Variants in CEP112 observed in about 807,000 individuals in gnomAD.
The protein encoded by CEP112 is centrosomal protein 112, also known as centrosomal protein of 112 kDa.
In CEP112, 127 loss-of-function variants were observed where a neutral mutation model predicts 153.0. The ratio of observed to expected loss-of-function variants is 0.83; its 90% CI spans 0.72 to 0.96. CEP112 has a LOEUF of 0.96. CEP112 is among the 40% of genes least tolerant of loss of function. The pLI is 0.00. For synonymous variants in CEP112, 358 were observed against 374.4 expected (o/e 0.96, Z 0.51); for missense variants, 1,089 against 1,101.2 (o/e 0.99, Z 0.16).
intron 23 of CEP112, among the ~76,000 whole-genome samples, chr17:65,691,876 T>C (rs1338672874): frequency 6.6e-6 from 1 of 152,202 alleles, no homozygotes; most frequent in Non-Finnish European, 1.5e-5. Context: ...GTGAACTTCT[T>C]AAACTTAAAT....
At chr17:65,843,981 T>A (rs976627143) in intron 21 of CEP112, among the ~76,000 whole-genome samples, 6 of 152,162 alleles carry the variant, frequency 3.9e-5, no homozygotes, top group African/African-American at 1.4e-4. Context: ...AGATAAGGGT[T>A]TTATCATTCT....
At chr17:66,190,573 C>T (rs2073127133) in intron 1 of CEP112, among the ~76,000 whole-genome samples, 1 of 152,106 alleles carries the variant, frequency 6.6e-6, no homozygotes, top group Non-Finnish European at 1.5e-5. Context: ...TGAGTTTGCA[C>T]CACTGCACTC....
intron 11 of CEP112, among the ~76,000 whole-genome samples, chr17:66,061,767 G>A (rs527682987): frequency 9.2e-5 from 14 of 152,230 alleles, no homozygotes; most frequent in South Asian, 2.1e-4. Flanking sequence ...AACAGATAGC[G>A]ATTACAAGAA....
intron 20 of CEP112, among the ~76,000 whole-genome samples, chr17:65,897,621 AC>A (rs1476989984): frequency 6.6e-6 from 1 of 152,120 alleles, no homozygotes; most frequent in Non-Finnish European, 1.5e-5. Context: ...CTAGGCTGTG[AC>A]TTAAAATATA....
At chr17:65,780,821 G>A (rs937382422) in intron 21 of CEP112, among the ~76,000 whole-genome samples, 2 of 152,050 alleles carry the variant, frequency 1.3e-5, no homozygotes, top group Non-Finnish European at 2.9e-5. Flanking sequence ...CAAATGACAT[G>A]AATCAGCCAA....
At chr17:65,781,277 C>T (rs569022342) in intron 21 of CEP112, among the ~76,000 whole-genome samples, 1 of 151,942 alleles carries the variant, frequency 6.6e-6, no homozygotes, top group Non-Finnish European at 1.5e-5. Context: ...TAGCTACATA[C>T]TCACAAAAAT....
chr17:65,970,730 A>G (rs62064279), intron 17 of CEP112, among the ~76,000 whole-genome samples: 60,716 of 148,806 alleles, frequency 0.41, 13,840 homozygotes, highest in East Asian at 0.86. Flanking sequence ...CCTTTATCAC[A>G]TGCATGTGTT....
intron 20 of CEP112, among the ~76,000 whole-genome samples, chr17:65,859,950 G>A (rs2058254278): frequency 6.6e-6 from 1 of 150,522 alleles, no homozygotes; most frequent in Non-Finnish European, 1.5e-5. Flanking sequence ...AGGAGGCAGA[G>A]GTTGCAGTGA....
At chr17:66,045,962 T>A (rs2066183161) in intron 12 of CEP112, among the ~76,000 whole-genome samples, 1 of 152,226 alleles carries the variant, frequency 6.6e-6, no homozygotes, top group Admixed American at 6.5e-5. Context: ...ACATGACACA[T>A]GATACCACAA....
At chr17:65,976,046 G>A (rs747261614) in intron 17 of CEP112, among the ~76,000 whole-genome samples, 1 of 152,172 alleles carries the variant, frequency 6.6e-6, no homozygotes, top group Non-Finnish European at 1.5e-5. Context: ...CGCTTTCAAC[G>A]AGAACTGCTG....
In CEP112 at chr17:66,063,066, C is replaced by T. The variant is rs752266923; in HGVS notation, c.971G>A (p.Arg324His). 7.6e-6 allele frequency: 12 copies of T among 1,576,656 alleles called. No homozygotes were observed. The highest frequency in any genetic ancestry group is 1.7e-4 in the Middle Eastern group (1 of 5,954). The change falls in exon 11 of 27, where the codon CGT becomes CAT. Residue 324 changes from arginine (R) to histidine (H), a missense_variant. Coordinates refer to ENST00000535342, the MANE Select transcript of CEP112 (RefSeq NM_001199165.4). ...KLEKKVQTLI[R>H]DCQVIRETKE... Reference sequence around the variant, plus strand: ...AGTCTCTCTGATAACTTGACAGTCACGTATCAGTGTCTGAACTGTCAAAAA... The same window carrying T: ...AGTCTCTCTGATAACTTGACAGTCATGTATCAGTGTCTGAACTGTCAAAAA...
chr17:65,869,178 A>G (rs937125275), intron 20 of CEP112, among the ~76,000 whole-genome samples: 8 of 152,366 alleles, frequency 5.3e-5, no homozygotes, highest in African/African-American at 1.9e-4. Context: ...AGTGGAAAAT[A>G]TTTTTAAGAT....
intron 24 of CEP112, 47 bp downstream of exon 24, chr17:65,689,081 GA>G: frequency 7.3e-7 from 1 of 1,367,032 alleles, no homozygotes; most frequent in Non-Finnish European, 1.0e-6. Flanking sequence ...CACACTTCTT[GA>G]CCTAGAGAAA....
At chr17:66,096,459 G>T in intron 7 of CEP112, 126 bp downstream of exon 7, 1 of 1,145,358 alleles carries the variant, frequency 8.7e-7, no homozygotes, top group Non-Finnish European at 1.3e-6. Flanking sequence ...TCACTTCCAA[G>T]TGATAAAATT....
At chr17:66,150,018 C>T (rs1411334774) in intron 4 of CEP112, among the ~76,000 whole-genome samples, 4 of 148,582 alleles carry the variant, frequency 2.7e-5, no homozygotes, top group South Asian at 2.1e-4. Context: ...CTCGGCCTCC[C>T]GAGTAGCTGG....
At chr17:65,764,377 C>T (rs1381158061) in intron 21 of CEP112, among the ~76,000 whole-genome samples, 1 of 152,194 alleles carries the variant, frequency 6.6e-6, no homozygotes, top group Non-Finnish European at 1.5e-5. Context: ...TACTGTATTG[C>T]TATCTATTTC....
Position 65,644,152 on chromosome 17 carries a change from C to T in CEP112, c.2698-3087G>A, listed in dbSNP as rs116768168. ...TTGGCCCCATCACTGCCAGCCTTCA[C>T]GAACAATTCAACTTGCAGTTGTTCT... On this transcript the variant is annotated intron_variant, in intron 24 of 26. Coordinates refer to ENST00000535342, the MANE Select transcript of CEP112 (RefSeq NM_001199165.4). Among the ~76,000 whole-genome samples the T allele has an allele frequency of 9.4e-3, 1,439 of 152,294 alleles. 17 individuals carry two copies. Among genetic ancestry groups the T allele is most frequent in the African/African-American group, 0.032 (1,349 of 41,568 alleles).
chr17:66,043,940 C>G (rs190161746), intron 12 of CEP112, among the ~76,000 whole-genome samples: 12 of 152,252 alleles, frequency 7.9e-5, no homozygotes, highest in African/African-American at 2.6e-4. Context: ...TTGAACTCTA[C>G]CTTGTTTAAT....
chr17:65,995,995 C>T (rs530071502), intron 17 of CEP112, among the ~76,000 whole-genome samples: 1 of 152,250 alleles, frequency 6.6e-6, no homozygotes, highest in East Asian at 1.9e-4. Context: ...TCCATTAAAC[C>T]TCTTTTTCTT....
Sources: gnomAD v4.1 joint callset for allele counts (sites outside exome capture counted in the v4.1 genomes callset) on GRCh38, gnomAD v4.1.1 for gene constraint, MANE v1.5 for transcripts, NCBI Gene and HGNC (gene_info 2026-07-23, HGNC 2026-07-21) for gene names.